Variants in PDZRN4 observed in about 807,000 individuals in gnomAD.
The protein encoded by PDZRN4 is PDZ domain-containing RING finger protein 4.
In PDZRN4, 70 loss-of-function variants were observed where a neutral mutation model predicts 99.0. The ratio of observed to expected loss-of-function variants is 0.71; its 90% CI spans 0.58 to 0.86. The LOEUF is 0.86. Ranked by LOEUF, PDZRN4 falls within the 40% of genes least tolerant of loss-of-function variation. The pLI is 0.00. For synonymous variants in PDZRN4, 551 were observed against 501.6 expected, an observed-to-expected ratio of 1.10 and a Z score of -1.32; for missense variants, 1,474 against 1,331.2, an observed-to-expected ratio of 1.11 and a Z score of -1.67.
At chr12:41,381,128 T>C (rs1383736996) in intron 3 of PDZRN4, among the ~76,000 whole-genome samples, 1 of 152,196 alleles carries the variant, frequency 6.6e-6, no homozygotes, top group African/African-American at 2.4e-5. Context: ...ACTTTTCTCT[T>C]GTGCTTTCAA....
At chr12:41,415,471 C>A (rs892549374) in intron 3 of PDZRN4, among the ~76,000 whole-genome samples, 3 of 151,460 alleles carry the variant, frequency 2.0e-5, no homozygotes, top group Non-Finnish European at 2.9e-5. Context: ...GTATATACTA[C>A]CCATATATAA....
intron 7 of PDZRN4, among the ~76,000 whole-genome samples, chr12:41,559,822 C>T (rs1401178543): frequency 6.6e-6 from 1 of 152,084 alleles, no homozygotes; most frequent in African/African-American, 2.4e-5. Flanking sequence ...GGCGGTTACT[C>T]CCATGCTGTT....
At chr12:41,332,735 G>T (rs1224344674) in intron 3 of PDZRN4, among the ~76,000 whole-genome samples, 1 of 73,962 alleles carries the variant, frequency 1.4e-5, no homozygotes, top group Non-Finnish European at 2.6e-5. Context: ...AGTTTTACAA[G>T]AGGAGGATTA....
intron 3 of PDZRN4, among the ~76,000 whole-genome samples, chr12:41,208,642 A>G (rs1480659917): frequency 6.6e-6 from 1 of 151,950 alleles, no homozygotes; most frequent in East Asian, 1.9e-4. Flanking sequence ...AAAATCAAAG[A>G]AGAATATATT....
intron 5 of PDZRN4, among the ~76,000 whole-genome samples, chr12:41,520,756 A>G (rs1429865454): frequency 1.3e-5 from 2 of 151,914 alleles, no homozygotes; most frequent in Non-Finnish European, 2.9e-5. Context: ...AACCCAGAGA[A>G]AGATGTCAGC....
At chr12:41,509,295 G>A (rs749480073) in intron 4 of PDZRN4, among the ~76,000 whole-genome samples, 47 of 152,062 alleles carry the variant, frequency 3.1e-4, no homozygotes, top group Non-Finnish European at 5.0e-4. Flanking sequence ...GAGAAAGGGG[G>A]ATCTTAAGAA....
chr12:41,245,618 G>A (rs1352433167), intron 3 of PDZRN4, among the ~76,000 whole-genome samples: 1 of 151,972 alleles, frequency 6.6e-6, no homozygotes, highest in Admixed American at 6.6e-5. Flanking sequence ...GTTGAATCTG[G>A]GTAATGGGAA....
chr12:41,210,754 T>C (rs1347675286), intron 3 of PDZRN4, among the ~76,000 whole-genome samples: 1 of 151,998 alleles, frequency 6.6e-6, no homozygotes, highest in African/African-American at 2.4e-5. Context: ...CCTGTGGTTT[T>C]CCATATTTTT....
At chr12:41,349,513 G>A (rs1810849142) in intron 3 of PDZRN4, among the ~76,000 whole-genome samples, 2 of 151,828 alleles carry the variant, frequency 1.3e-5, no homozygotes, top group Non-Finnish European at 2.9e-5. Context: ...ATAGGTTATT[G>A]AGATAAATAA....
At chr12:41,369,731 C>T (rs560842854) in intron 3 of PDZRN4, among the ~76,000 whole-genome samples, 76 of 151,732 alleles carry the variant, frequency 5.0e-4, no homozygotes, top group African/African-American at 1.7e-3. Context: ...AAATACAAAC[C>T]AGAATAATGT....
intron 5 of PDZRN4, among the ~76,000 whole-genome samples, chr12:41,511,322 T>C (rs192410117): frequency 3.9e-5 from 6 of 152,046 alleles, no homozygotes; most frequent in African/African-American, 1.4e-4. Context: ...TTTCCTTACA[T>C]TTCTATGGAG....
chr12:41,403,883 A>G (rs917746861), intron 3 of PDZRN4, among the ~76,000 whole-genome samples: 1 of 152,240 alleles, frequency 6.6e-6, no homozygotes, highest in African/African-American at 2.4e-5. Context: ...CAATAAATGG[A>G]TAAGTAGAAA....
intron 5 of PDZRN4, among the ~76,000 whole-genome samples, chr12:41,539,328 A>G (rs1266106645): frequency 6.6e-6 from 1 of 152,046 alleles, no homozygotes; most frequent in Non-Finnish European, 1.5e-5. Flanking sequence ...TCAATATTTT[A>G]TGATCTTTTG....
chr12:41,373,365 G>A (rs1184695231), intron 3 of PDZRN4, among the ~76,000 whole-genome samples: 1 of 152,036 alleles, frequency 6.6e-6, no homozygotes. Context: ...AGGAGACTGG[G>A]GCTTATTTCA....
chr12:41,307,491 C>T (rs914665334), intron 3 of PDZRN4, among the ~76,000 whole-genome samples: 2 of 152,096 alleles, frequency 1.3e-5, no homozygotes, highest in African/African-American at 2.4e-5. Flanking sequence ...TTCCATAGGC[C>T]CCACCTGTGA....
At chr12:41,556,696 T>C (rs887775944) in intron 7 of PDZRN4, among the ~76,000 whole-genome samples, 1 of 152,212 alleles carries the variant, frequency 6.6e-6, no homozygotes, top group Admixed American at 6.5e-5. Context: ...TAGAGACTGA[T>C]TACATTTCAG....
At chr12:41,279,464 C>G (rs961209528) in intron 3 of PDZRN4, among the ~76,000 whole-genome samples, 1 of 152,048 alleles carries the variant, frequency 6.6e-6, no homozygotes, top group Non-Finnish European at 1.5e-5. Context: ...AAATGATGGT[C>G]GTGGTATTTA....
At chr12:41,324,127 G>A (rs1027313850) in intron 3 of PDZRN4, among the ~76,000 whole-genome samples, 1 of 151,982 alleles carries the variant, frequency 6.6e-6, no homozygotes, top group African/African-American at 2.4e-5. Context: ...TTATGATATG[G>A]AGTGATTGCT....
intron 3 of PDZRN4, among the ~76,000 whole-genome samples, chr12:41,469,758 C>T (rs1376061253): frequency 7.2e-5 from 11 of 151,848 alleles, no homozygotes; most frequent in East Asian, 3.9e-4. Context: ...GGTGAAACCC[C>T]GTCTCTACTA....
Sources: gnomAD v4.1 joint callset for allele counts (sites outside exome capture counted in the v4.1 genomes callset) on GRCh38, gnomAD v4.1.1 for gene constraint, MANE v1.5 for transcripts, NCBI Gene and HGNC (gene_info 2026-07-23, HGNC 2026-07-21) for gene names.